The following HCRTR2 variants were observed in gnomAD, a reference collection of about 807,000 sequenced individuals.
HCRTR2 encodes orexin receptor type 2.
A neutral mutation model predicts 49.0 loss-of-function variants in HCRTR2; 22 were observed. That is an observed-to-expected ratio of 0.45 (90% CI 0.32 to 0.64). The LOEUF (loss-of-function observed/expected upper bound fraction) is 0.64, where lower values mean the gene tolerates loss of function less well. Among genes scored for constraint, HCRTR2 ranks in the 30% least tolerant of loss-of-function variants. The probability of loss-of-function intolerance (pLI) is 0.04; values close to 1 mark genes in which losing one functional copy is unlikely to be tolerated. For synonymous variants in HCRTR2, 236 were observed against 205.3 expected (o/e 1.15, Z -1.28); for missense variants, 491 against 559.4 (o/e 0.88, Z 1.23).
chr6:55,242,079 A>G (rs898815565), intron 1 of HCRTR2, among the ~76,000 whole-genome samples: 1 of 151,890 alleles, frequency 6.6e-6, no homozygotes, highest in Non-Finnish European at 1.5e-5. Context: ...TATGTTGGCC[A>G]GTCTGGTCTC....
chr6:55,215,871 A>C (rs530422255), intron 1 of HCRTR2, among the ~76,000 whole-genome samples: 2 of 152,228 alleles, frequency 1.3e-5, no homozygotes, highest in African/African-American at 2.4e-5. Flanking sequence ...TTATTTTGCT[A>C]TAACTAAACA....
Position 55,263,721 on chromosome 6 carries a change from A to G in HCRTR2, c.661A>G (p.Lys221Glu). 1 of 1,603,082 alleles carries G rather than the reference A, an allele frequency of 6.2e-7. No homozygotes were observed. Among genetic ancestry groups the G allele is most frequent in the East Asian group, 2.2e-5 (1 of 44,692 alleles). ...TTTCATCCTAGGTGAAATTTATCCCAAGATGTACCACATCTGTTTCTTTCT... is the reference window on the plus strand; with the variant it reads ...TTTCATCCTAGGTGAAATTTATCCCGAGATGTACCACATCTGTTTCTTTCT... ...DERWGGEIYP[K>E]MYHICFFLVT... The change falls in exon 4 of 7, where the codon AAG becomes GAG. Residue 221 changes from lysine (K) to glutamate (E), a missense_variant. Lys to Glu is a moderately conservative substitution (Grantham distance 56). Coordinates refer to ENST00000370862, the MANE Select transcript of HCRTR2 (RefSeq NM_001384272.1).
intron 3 of HCRTR2, among the ~76,000 whole-genome samples, chr6:55,255,834 A>T (rs1766642994): frequency 6.6e-6 from 1 of 152,216 alleles, no homozygotes; most frequent in South Asian, 2.1e-4. Context: ...CCTGGATCAC[A>T]TGGTCCTGGG....
chr6:55,206,550 TTA>T (rs1765604855), intron 1 of HCRTR2, among the ~76,000 whole-genome samples: 1 of 151,992 alleles, frequency 6.6e-6, no homozygotes, highest in Non-Finnish European at 1.5e-5. Context: ...TGATTTTTTT[TTA>T]TGAGTGCAAG....
At chr6:55,217,339 C>T (rs538461413) in intron 1 of HCRTR2, among the ~76,000 whole-genome samples, 1 of 152,328 alleles carries the variant, frequency 6.6e-6, no homozygotes, top group South Asian at 2.1e-4. Context: ...AAGCAAGCTG[C>T]AAACTTTTCA....
chr6:55,223,822 G>A (rs1012940128), intron 1 of HCRTR2, among the ~76,000 whole-genome samples: 1 of 151,968 alleles, frequency 6.6e-6, no homozygotes, highest in African/African-American at 2.4e-5. Flanking sequence ...TACCTAATCA[G>A]CCATTTTAAA....
intron 4 of HCRTR2, among the ~76,000 whole-genome samples, chr6:55,276,805 A>C (rs1024967422): frequency 1.3e-5 from 2 of 152,236 alleles, no homozygotes; most frequent in Non-Finnish European, 2.9e-5. Context: ...CAATTTCATA[A>C]CTACAAATAG....
At chr6:55,124,579 T>C (rs534032156) in intron 1 of HCRTR2, among the ~76,000 whole-genome samples, 14 of 152,326 alleles carry the variant, frequency 9.2e-5, no homozygotes, top group African/African-American at 3.4e-4. Context: ...GAGAAGAATG[T>C]ATATTCTGTT....
intron 1 of HCRTR2, among the ~76,000 whole-genome samples, chr6:55,122,928 G>A (rs1418259578): frequency 7.1e-6 from 1 of 140,960 alleles, no homozygotes; most frequent in Non-Finnish European, 1.5e-5. Flanking sequence ...GAGAACTCTT[G>A]GACACAAGAA....
chr6:55,117,525 T>G (rs2127612515), intron 1 of HCRTR2, among the ~76,000 whole-genome samples: 1 of 151,914 alleles, frequency 6.6e-6, no homozygotes, highest in East Asian at 1.9e-4. Context: ...AGAATATTCA[T>G]CACCTCAAAC....
At chr6:55,221,880 A>G (rs1156459319) in intron 1 of HCRTR2, among the ~76,000 whole-genome samples, 3 of 152,116 alleles carry the variant, frequency 2.0e-5, no homozygotes, top group Admixed American at 2.0e-4. Flanking sequence ...AAAGTTTTAT[A>G]CCATTGGTTT....
intron 1 of HCRTR2, among the ~76,000 whole-genome samples, chr6:55,213,146 A>G (rs888389848): frequency 6.6e-6 from 1 of 152,132 alleles, no homozygotes; most frequent in Non-Finnish European, 1.5e-5. Context: ...AATAAGAAGG[A>G]GCTAGTACAG....
At chr6:55,147,190 T>C (rs1175484901) in intron 1 of HCRTR2, among the ~76,000 whole-genome samples, 1 of 152,156 alleles carries the variant, frequency 6.6e-6, no homozygotes, top group Non-Finnish European at 1.5e-5. Context: ...AAAATATAGC[T>C]ATTTTATTAG....
intron 1 of HCRTR2, among the ~76,000 whole-genome samples, chr6:55,218,576 A>C (rs576170887): frequency 6.6e-6 from 1 of 152,232 alleles, no homozygotes; most frequent in South Asian, 2.1e-4. Context: ...AAAGTATTCC[A>C]TGTGAATGGT....
intron 4 of HCRTR2, among the ~76,000 whole-genome samples, chr6:55,269,785 C>G (rs957886900): frequency 4.1e-4 from 63 of 151,972 alleles, no homozygotes; most frequent in African/African-American, 1.5e-3. Flanking sequence ...GTGGTGAAAC[C>G]ATGTTTCTAC....
chr6:55,234,792 A>G (rs745318910), intron 1 of HCRTR2, among the ~76,000 whole-genome samples: 5 of 152,188 alleles, frequency 3.3e-5, no homozygotes, highest in African/African-American at 1.2e-4. Context: ...AACGGCAGTT[A>G]TGTAGTAATG....
At chr6:55,184,785 C>T (rs964127202) in intron 1 of HCRTR2, among the ~76,000 whole-genome samples, 6 of 152,142 alleles carry the variant, frequency 3.9e-5, no homozygotes. Context: ...AGATTCTTAG[C>T]TTTTATTCCT....
intron 1 of HCRTR2, among the ~76,000 whole-genome samples, chr6:55,226,546 T>C (rs772246015): frequency 6.6e-6 from 1 of 152,024 alleles, no homozygotes; most frequent in Non-Finnish European, 1.5e-5. Flanking sequence ...TAACCTCAGA[T>C]GATCTGCACA....
intron 1 of HCRTR2, among the ~76,000 whole-genome samples, chr6:55,124,766 G>C (rs2127240709): frequency 6.6e-6 from 1 of 152,206 alleles, no homozygotes. Context: ...AGGTCTCTAA[G>C]GACTTGCTTT....
Sources: allele counts gnomAD v4.1 joint callset (sites outside exome capture counted in the v4.1 genomes callset), GRCh38; gene constraint gnomAD v4.1.1; transcripts MANE v1.5; gene names NCBI Gene and HGNC (gene_info 2026-07-23, HGNC 2026-07-21).